MTMR2: variants seen among roughly 807,000 people sequenced by gnomAD.
The protein encoded by MTMR2 is phosphatidylinositol-3,5-bisphosphate 3-phosphatase MTMR2.
In MTMR2, 55 loss-of-function variants were observed where a neutral mutation model predicts 86.9. The ratio of observed to expected loss-of-function variants is 0.63; its 90% CI spans 0.51 to 0.79. The LOEUF (loss-of-function observed/expected upper bound fraction) is 0.79. Among genes scored for constraint, MTMR2 ranks in the 30% least tolerant of loss-of-function variants. The probability of loss-of-function intolerance (pLI) is 0.00; values close to 1 mark genes in which losing one functional copy is unlikely to be tolerated. For missense variants in MTMR2, 659 were observed against 772.3 expected, an observed-to-expected ratio of 0.85 and a Z score of 1.74; for synonymous variants, 241 against 266.8, an observed-to-expected ratio of 0.90 and a Z score of 0.94.
intron 2 of MTMR2, among the ~76,000 whole-genome samples, chr11:95,876,841 C>G (rs1865131579): frequency 6.6e-6 from 1 of 152,102 alleles, no homozygotes; most frequent in Non-Finnish European, 1.5e-5. Flanking sequence ...CTTTCTCACA[C>G]ACACAGGCAC....
intron 1 of MTMR2, among the ~76,000 whole-genome samples, chr11:95,904,677 T>C (rs906680955): frequency 2.6e-5 from 4 of 152,202 alleles, no homozygotes; most frequent in African/African-American, 9.7e-5. Flanking sequence ...TAGTATATAA[T>C]CAAGAAATAA....
chr11:95,884,638 A>G (rs952684895), intron 2 of MTMR2, among the ~76,000 whole-genome samples: 1 of 152,220 alleles, frequency 6.6e-6, no homozygotes, highest in African/African-American at 2.4e-5. Context: ...AATATCTATC[A>G]TAATAGCAGG....
Position 95,865,465 on chromosome 11 carries a change from A to G in MTMR2, c.262+136T>C, listed in dbSNP as rs687559. On this transcript the variant is annotated intron_variant, in intron 3 of 14. Transcript: ENST00000346299. ...GTTTGTAGAACACACTAAGATGCTG[A>G]GAAGACTGCAGGTAAAGAGTTCTGC... is the stretch of plus-strand genomic sequence containing the variant. The G allele has an allele frequency of 0.53, 440,881 of 834,660 alleles. 120,970 individuals are homozygous for G. The highest frequency in any genetic ancestry group is 0.85 in the African/African-American group (50,930 of 59,962). The allele number at this position is 834,660 out of a possible 1,614,324, so 51.7% of individuals were successfully genotyped here.
Position 95,888,232 on chromosome 11 carries a change from A to G in MTMR2, c.110T>C (p.Val37Ala), listed in dbSNP as rs1252915474. Residue 37 changes from valine (V) to alanine (A), a missense_variant, in exon 2 of 15, where the codon GTG becomes GCG. This residue lies in a region of MTMR2 where 79 missense variants were observed against 54.4 expected (regional missense o/e 1.45). Transcript: ENST00000346299. ...TACAACAGAAGCTGATTTTGTATGCACTGAATTCTCTGAATGAGAAGTGGA... is the reference window on the plus strand; with the variant it reads ...TACAACAGAAGCTGATTTTGTATGCGCTGAATTCTCTGAATGAGAAGTGGA... ...SASTSHSENS[V>A]HTKSASVVSS... The G allele has an allele frequency of 4.3e-6, 7 of 1,613,434 alleles. No homozygotes were observed. The East Asian group carries it at 8.9e-5, about 21-fold the overall frequency.
intron 1 of MTMR2, among the ~76,000 whole-genome samples, chr11:95,912,179 A>G (rs1866536458): frequency 6.6e-6 from 1 of 151,768 alleles, no homozygotes; most frequent in African/African-American, 2.4e-5. Context: ...AGAAAGGTTA[A>G]GCTAAAAATC....
At chr11:95,886,772 A>G (rs1008270967) in intron 2 of MTMR2, among the ~76,000 whole-genome samples, 1 of 152,184 alleles carries the variant, frequency 6.6e-6, no homozygotes, top group Non-Finnish European at 1.5e-5. Context: ...GTATGCCAAG[A>G]CATTTCAAAA....
At chr11:95,917,875 C>T (rs934130583) in intron 1 of MTMR2, among the ~76,000 whole-genome samples, 1 of 152,198 alleles carries the variant, frequency 6.6e-6, no homozygotes, top group Admixed American at 6.5e-5. Flanking sequence ...GAACAGTTCA[C>T]ACCCATGTGG....
intron 6 of MTMR2, 48 bp from the exon 7 acceptor site, chr11:95,857,683 G>T: frequency 8.0e-7 from 1 of 1,256,068 alleles, no homozygotes; most frequent in South Asian, 1.2e-5. Context: ...TATTCACAAA[G>T]GTAATGAATC....
intron 1 of MTMR2, among the ~76,000 whole-genome samples, chr11:95,893,004 T>A (rs1461224183): frequency 6.6e-6 from 1 of 152,148 alleles, no homozygotes; most frequent in Non-Finnish European, 1.5e-5. Context: ...TAGTTTTGCA[T>A]CTTCACATAT....
chr11:95,885,040 A>G (rs1430259011), intron 2 of MTMR2, among the ~76,000 whole-genome samples: 1 of 152,104 alleles, frequency 6.6e-6, no homozygotes, highest in Non-Finnish European at 1.5e-5. Flanking sequence ...CTAAGTTGTT[A>G]AAGATCCTAA....
chr11:95,894,540 C>T (rs1420098141), intron 1 of MTMR2, among the ~76,000 whole-genome samples: 1 of 151,992 alleles, frequency 6.6e-6, no homozygotes, highest in East Asian at 1.9e-4. Context: ...AATTAGTGGC[C>T]TAATGTTTAC....
intron 14 of MTMR2, 66 bp downstream of exon 14, chr11:95,836,082 G>T: frequency 7.0e-7 from 1 of 1,435,054 alleles, no homozygotes; most frequent in Non-Finnish European, 9.8e-7. Flanking sequence ...CTTTCCAGCT[G>T]CTTTTAAGGA....
chr11:95,859,764 G>T (rs1864340045), intron 5 of MTMR2, among the ~76,000 whole-genome samples: 1 of 152,072 alleles, frequency 6.6e-6, no homozygotes, highest in Non-Finnish European at 1.5e-5. Context: ...GCTTTATTAT[G>T]CCTCATTTTG....
intron 1 of MTMR2, among the ~76,000 whole-genome samples, chr11:95,917,207 G>T (rs1866742064): frequency 6.6e-6 from 1 of 152,056 alleles, no homozygotes; most frequent in South Asian, 2.1e-4. Context: ...TAGACACAAA[G>T]ATAGCAAGTA....
At chr11:95,835,529 G>A (rs1863229391) in intron 14 of MTMR2, 78 bp from the exon 15 acceptor site, 1 of 1,472,024 alleles carries the variant, frequency 6.8e-7, no homozygotes, top group Non-Finnish European at 9.4e-7. Context: ...AAATGTTGCA[G>A]TGTATGTTTT....
intron 10 of MTMR2, among the ~76,000 whole-genome samples, chr11:95,846,088 A>G (rs1032632260): frequency 1.3e-5 from 2 of 152,126 alleles, no homozygotes; most frequent in African/African-American, 2.4e-5. Flanking sequence ...GATCTTGACT[A>G]TATATCAAGA....
intron 1 of MTMR2, among the ~76,000 whole-genome samples, chr11:95,917,078 C>G (rs1025501566): frequency 6.6e-6 from 1 of 152,162 alleles, no homozygotes; most frequent in Non-Finnish European, 1.5e-5. Flanking sequence ...TCTTTTTATA[C>G]AGTTCCATTT....
rs183413323 is a variant in MTMR2 at position 95,861,457 on chromosome 11, T to A, written c.468+535A>T. Among the ~76,000 whole-genome samples the A allele has an allele frequency of 2.5e-4, 38 of 150,012 alleles. 1 individual carries two copies. In the East Asian group the frequency reaches 7.4e-3, roughly 29 times the overall value. On this transcript the variant is annotated intron_variant, in intron 5 of 14. Transcript: ENST00000346299. ...ATTATTATTTCAGACAGAGTCTTAC[T>A]CTGTTGCCCAAGCTGGAGTGCAGTG...
intron 11 of MTMR2, among the ~76,000 whole-genome samples, chr11:95,844,432 G>A (rs772785122): frequency 2.9e-4 from 44 of 152,126 alleles, no homozygotes; most frequent in Non-Finnish European, 5.0e-4. Flanking sequence ...TGCAGGATGC[G>A]GAACCCACAT....
Sources: allele counts gnomAD v4.1 joint callset (sites outside exome capture counted in the v4.1 genomes callset), GRCh38; gene constraint gnomAD v4.1.1; regional missense constraint gnomAD v4.1.1; transcripts MANE v1.5; gene names NCBI Gene and HGNC (gene_info 2026-07-23, HGNC 2026-07-21).